The following ASIC2 variants were observed in gnomAD, a reference collection of about 807,000 sequenced individuals.
ASIC2 encodes the protein acid-sensing ion channel 2.
In ASIC2, 25 loss-of-function variants were observed where a neutral mutation model predicts 57.3. That is an observed-to-expected ratio of 0.44 (90% CI 0.32 to 0.61). The LOEUF is 0.61. Ranked by LOEUF, ASIC2 falls within the 20% of genes least tolerant of loss-of-function variation. The probability of loss-of-function intolerance (pLI) is 0.06; values close to 1 mark genes in which losing one functional copy is unlikely to be tolerated. For synonymous variants in ASIC2, 319 were observed against 307.5 expected (o/e 1.04, Z -0.39); for missense variants, 641 against 738.1 (o/e 0.87, Z 1.52).
At chr17:33,784,842 T>C (rs1327449799) in intron 1 of ASIC2, among the ~76,000 whole-genome samples, 3 of 152,142 alleles carry the variant, frequency 2.0e-5, no homozygotes, top group Non-Finnish European at 4.4e-5. Flanking sequence ...GCCCAGACAG[T>C]AGTGAAGTGT....
At chr17:33,694,374 C>G (rs1431077512) in intron 1 of ASIC2, among the ~76,000 whole-genome samples, 1 of 152,202 alleles carries the variant, frequency 6.6e-6, no homozygotes, top group South Asian at 2.1e-4. Flanking sequence ...GCCTAGCATT[C>G]TTTTTCAGCT....
chr17:33,105,635 C>T (rs567379770), intron 2 of ASIC2, among the ~76,000 whole-genome samples: 9 of 152,144 alleles, frequency 5.9e-5, no homozygotes, highest in South Asian at 2.1e-4. Context: ...GAAGAAGACA[C>T]GAAAATGTGG....
chr17:33,542,970 G>T (rs1915464813), intron 1 of ASIC2, among the ~76,000 whole-genome samples: 1 of 151,842 alleles, frequency 6.6e-6, no homozygotes, highest in African/African-American at 2.4e-5. Flanking sequence ...AAAATGATGA[G>T]TTCATGTCCT....
intron 1 of ASIC2, among the ~76,000 whole-genome samples, chr17:33,232,471 T>A (rs538544159): frequency 7.6e-4 from 113 of 149,234 alleles, no homozygotes; most frequent in African/African-American, 2.5e-3. Flanking sequence ...TATGGTATGG[T>A]ATGGTATGGT....
chr17:33,638,522 A>T (rs1906446078), intron 1 of ASIC2, among the ~76,000 whole-genome samples: 1 of 152,218 alleles, frequency 6.6e-6, no homozygotes, highest in Non-Finnish European at 1.5e-5. Flanking sequence ...GTAGAACCAC[A>T]TATGCACACC....
intron 1 of ASIC2, among the ~76,000 whole-genome samples, chr17:33,399,808 G>A (rs1910216244): frequency 6.6e-6 from 1 of 152,162 alleles, no homozygotes; most frequent in African/African-American, 2.4e-5. Context: ...TGTGCACCAT[G>A]GTAGTGGTGG....
At chr17:34,083,011 T>C (rs1425921541) in intron 1 of ASIC2, among the ~76,000 whole-genome samples, 2 of 146,084 alleles carry the variant, frequency 1.4e-5, no homozygotes, top group Non-Finnish European at 3.0e-5. Flanking sequence ...TTTTTTTTCC[T>C]TTGCATGCTA....
chr17:33,858,141 C>A (rs963117775), intron 1 of ASIC2, among the ~76,000 whole-genome samples: 3 of 152,184 alleles, frequency 2.0e-5, no homozygotes, highest in Admixed American at 6.5e-5. Context: ...CACTCTGGGC[C>A]AGTTGTTCAC....
At chr17:33,647,258 C>T (rs541890806) in intron 1 of ASIC2, among the ~76,000 whole-genome samples, 7 of 152,242 alleles carry the variant, frequency 4.6e-5, no homozygotes, top group East Asian at 3.9e-4. Flanking sequence ...AAAGTGGTAG[C>T]GTATGTCAAG....
At chr17:33,878,867 G>A (rs1311841105) in intron 1 of ASIC2, among the ~76,000 whole-genome samples, 4 of 152,170 alleles carry the variant, frequency 2.6e-5, no homozygotes, top group Non-Finnish European at 5.9e-5. Flanking sequence ...GAAAGGTCGG[G>A]TTACCCACAA....
At chr17:33,336,855 A>G (rs1346729641) in intron 1 of ASIC2, among the ~76,000 whole-genome samples, 1 of 152,122 alleles carries the variant, frequency 6.6e-6, no homozygotes, top group Non-Finnish European at 1.5e-5. Context: ...TACAAAAAGG[A>G]GCTGGAGGGT....
At chr17:33,048,296 GCTGA>G (rs1392590078) in intron 3 of ASIC2, among the ~76,000 whole-genome samples, 1 of 152,150 alleles carries the variant, frequency 6.6e-6, no homozygotes, top group Non-Finnish European at 1.5e-5. Context: ...GGCACCTCGA[GCTGA>G]CTAAGAATCT....
intron 1 of ASIC2, among the ~76,000 whole-genome samples, chr17:33,200,822 C>T (rs1013045614): frequency 6.6e-6 from 1 of 152,176 alleles, no homozygotes; most frequent in African/African-American, 2.4e-5. Flanking sequence ...CAATGACTCT[C>T]CATCACCCTC....
At chr17:33,333,096 T>G (rs1287682849) in intron 1 of ASIC2, among the ~76,000 whole-genome samples, 1 of 152,228 alleles carries the variant, frequency 6.6e-6, no homozygotes, top group African/African-American at 2.4e-5. Flanking sequence ...GAATTGGCCT[T>G]GGGGAACCTT....
intron 1 of ASIC2, among the ~76,000 whole-genome samples, chr17:33,364,869 T>C (rs115827288): frequency 1.4e-4 from 21 of 152,308 alleles, no homozygotes; most frequent in African/African-American, 4.8e-4. Flanking sequence ...TGTGTCTGAG[T>C]ACTGCACAGC....
chr17:33,608,620 A>C (rs1328561241), intron 1 of ASIC2, among the ~76,000 whole-genome samples: 3 of 151,944 alleles, frequency 2.0e-5, no homozygotes, highest in Non-Finnish European at 2.9e-5. Context: ...AGTGCTGGGA[A>C]CTCTGGGATT....
rs1454216135 is a variant in ASIC2 at position 34,040,422 on chromosome 17, A to G, written c.555+115556T>C. Among the ~76,000 whole-genome samples, 9 of 91,166 alleles carry G rather than the reference A, an allele frequency of 9.9e-5. No individual in the cohort carries two copies. The East Asian group carries it at 3.0e-3, about 31-fold the overall frequency. 59.8% of individuals were successfully genotyped at this position (91,166 alleles called of 152,430 possible). On this transcript the variant is annotated intron_variant, in intron 1 of 9. Transcript: ENST00000359872. ...CAGGGGGGGTCCTGGGGGGTGGGGGAAGCGCCGACAGTGGGGGAGGAGGGG... is the reference window on the plus strand; with the variant it reads ...CAGGGGGGGTCCTGGGGGGTGGGGGGAGCGCCGACAGTGGGGGAGGAGGGG...
intron 1 of ASIC2, chr17:33,692,096 A>C (rs1908389450): frequency 6.6e-6 from 1 of 152,142 alleles, no homozygotes. Flanking sequence ...TCTAGAATAC[A>C]CTGTATTCTA....
chr17:33,241,724 T>C (rs1908513037), intron 1 of ASIC2, among the ~76,000 whole-genome samples: 1 of 152,208 alleles, frequency 6.6e-6, no homozygotes, highest in African/African-American at 2.4e-5. Flanking sequence ...ACATGCTCTA[T>C]GAGCCCACCA....
Sources: gnomAD v4.1 joint callset for allele counts (sites outside exome capture counted in the v4.1 genomes callset) on GRCh38, gnomAD v4.1.1 for gene constraint, MANE v1.5 for transcripts, NCBI Gene and HGNC (gene_info 2026-07-23, HGNC 2026-07-21) for gene names.